Variants in GRID2 observed in about 807,000 individuals in gnomAD.
GRID2 encodes the protein glutamate receptor ionotropic, delta-2.
GRID2 carries 33 observed loss-of-function variants against 114.8 expected under a neutral mutation model. That is an observed-to-expected ratio of 0.29 (90% CI 0.22 to 0.38). GRID2 has a LOEUF of 0.38. Ranked by LOEUF, GRID2 falls within the 10% of genes least tolerant of loss-of-function variation. GRID2 has a pLI of 1.00. For missense variants in GRID2, 1,184 were observed against 1,257.7 expected (o/e 0.94, Z 0.89); for synonymous variants, 505 against 449.9 (o/e 1.12, Z -1.55).
chr4:92,337,544 C>T (rs1727251157), intron 1 of GRID2, among the ~76,000 whole-genome samples: 1 of 152,120 alleles, frequency 6.6e-6, no homozygotes, highest in South Asian at 2.1e-4. Flanking sequence ...GACTGGGTCA[C>T]CTCAGAAAAC....
At chr4:92,725,283 G>A (rs1736016108) in intron 2 of GRID2, among the ~76,000 whole-genome samples, 1 of 152,100 alleles carries the variant, frequency 6.6e-6, no homozygotes, top group Non-Finnish European at 1.5e-5. Flanking sequence ...CAGCCTTGGT[G>A]ACAGAGCAAC....
rs79418156 is a variant in GRID2 at position 93,265,323 on chromosome 4, A to G, written c.1245+26833A>G. On this transcript the variant is annotated intron_variant, in intron 8 of 15. Coordinates refer to ENST00000282020, the MANE Select transcript of GRID2 (RefSeq NM_001510.4). Reference sequence around the variant, plus strand: ...GTGCTGTCTTTTACTTACAAGATTTAGGAAAGCTTCTCTCCATTTAATTCT... The same window carrying G: ...GTGCTGTCTTTTACTTACAAGATTTGGGAAAGCTTCTCTCCATTTAATTCT... Among the ~76,000 whole-genome samples, 101 of 152,322 alleles carry G rather than the reference A, an allele frequency of 6.6e-4. 1 individual carries two copies. In the East Asian group the frequency reaches 0.014, roughly 21 times the overall value.
At chr4:92,690,543 G>C (rs771370860) in intron 2 of GRID2, among the ~76,000 whole-genome samples, 1 of 152,148 alleles carries the variant, frequency 6.6e-6, no homozygotes, top group Non-Finnish European at 1.5e-5. Context: ...GTCATGAAGT[G>C]ATCACACACT....
intron 13 of GRID2, among the ~76,000 whole-genome samples, chr4:93,580,877 TTA>T (rs35248337): frequency 2.0e-5 from 3 of 146,796 alleles, no homozygotes; most frequent in Non-Finnish European, 3.0e-5. Context: ...CAAATTGTCA[TTA>T]TATATATATA....
intron 4 of GRID2, among the ~76,000 whole-genome samples, chr4:93,128,621 T>C (rs576501111): frequency 6.6e-5 from 10 of 152,254 alleles, no homozygotes; most frequent in African/African-American, 2.4e-4. Flanking sequence ...GATTCCCTCA[T>C]TGCTAAACTG....
In GRID2 at chr4:93,490,709, T is replaced by C. The variant is rs1174946158; in HGVS notation, c.1929T>C (p.Ile643=). ...MMGAWWLFAL[I]VISSYTANLA... ...GGGCTTGGTGGCTATTTGCTTTGAT[T>C]GTTATCTCATCTTACACGGCAAACC... The change falls in exon 12 of 16, where the codon ATT becomes ATC. Residue 643 remains isoleucine (I), a synonymous_variant. Coordinates refer to ENST00000282020, the MANE Select transcript of GRID2 (RefSeq NM_001510.4). The C allele has an allele frequency of 6.2e-7, 1 of 1,610,660 alleles. No individual in the cohort carries two copies. Among genetic ancestry groups the C allele is most frequent in the Non-Finnish European group, 8.5e-7 (1 of 1,177,462 alleles).
At chr4:93,334,719 A>G (rs2870698) in intron 8 of GRID2, among the ~76,000 whole-genome samples, 105,533 of 152,066 alleles carry the variant, frequency 0.69, 37,612 homozygotes, top group African/African-American at 0.86. Flanking sequence ...ACCTGAGGTG[A>G]GGAGTTCAAC....
intron 13 of GRID2, among the ~76,000 whole-genome samples, chr4:93,586,356 A>G (rs1456932335): frequency 2.6e-5 from 4 of 151,998 alleles, no homozygotes; most frequent in African/African-American, 9.7e-5. Flanking sequence ...TCTTCTGCTC[A>G]CCTACATTAC....
chr4:93,268,881 G>T (rs528449242), intron 8 of GRID2, among the ~76,000 whole-genome samples: 1 of 152,002 alleles, frequency 6.6e-6, no homozygotes, highest in Non-Finnish European at 1.5e-5. Flanking sequence ...GGTAGCCCAC[G>T]GCCAATTATG....
chr4:92,984,585 G>A (rs1449622478), intron 2 of GRID2, among the ~76,000 whole-genome samples: 3 of 152,140 alleles, frequency 2.0e-5, no homozygotes, highest in Middle Eastern at 6.3e-3. Flanking sequence ...ATAAACCTCC[G>A]AGGTAGAGAT....
chr4:93,519,999 A>G (rs1372529646), intron 13 of GRID2, among the ~76,000 whole-genome samples: 1 of 152,156 alleles, frequency 6.6e-6, no homozygotes, highest in Admixed American at 6.5e-5. Context: ...AATGGAAGCC[A>G]AGGCAAAAGA....
chr4:93,592,569 A>C (rs1282343956), intron 13 of GRID2, among the ~76,000 whole-genome samples: 1 of 152,134 alleles, frequency 6.6e-6, no homozygotes, highest in African/African-American at 2.4e-5. Context: ...GATGTCTATT[A>C]GGTCTGCTTG....
chr4:93,119,434 C>T lies in GRID2; in HGVS notation c.735+8481C>T, dbSNP rs1040864924. On this transcript the variant is annotated intron_variant, in intron 4 of 15. Coordinates refer to ENST00000282020, the MANE Select transcript of GRID2 (RefSeq NM_001510.4). ...ACAAAAAAATTCTATATAAATTAGA[C>T]ATTTTGGCCATGGTCTTTAGTGTTT... is the stretch of plus-strand genomic sequence containing the variant. Among the ~76,000 whole-genome samples the T allele has an allele frequency of 2.0e-5, 3 of 152,160 alleles. 1 individual carries two copies. The highest frequency in any genetic ancestry group is 7.2e-5 in the African/African-American group (3 of 41,532).
At chr4:92,649,854 C>T (rs908103130) in intron 2 of GRID2, among the ~76,000 whole-genome samples, 3 of 151,948 alleles carry the variant, frequency 2.0e-5, no homozygotes, top group Admixed American at 6.6e-5. Context: ...TAGAGATGCT[C>T]TTCGACTGGT....
At chr4:92,704,104 G>A (rs768594861) in intron 2 of GRID2, among the ~76,000 whole-genome samples, 9 of 152,052 alleles carry the variant, frequency 5.9e-5, no homozygotes, top group Non-Finnish European at 1.0e-4. Context: ...GTAAAACCCC[G>A]TCTCTACTTA....
At chr4:93,126,840 G>T (rs547199746) in intron 4 of GRID2, among the ~76,000 whole-genome samples, 15 of 151,638 alleles carry the variant, frequency 9.9e-5, no homozygotes, top group Non-Finnish European at 1.3e-4. Context: ...CTCGTGATCC[G>T]CCCGCCTCGG....
chr4:92,952,435 A>G (rs912005908), intron 2 of GRID2, among the ~76,000 whole-genome samples: 10 of 152,210 alleles, frequency 6.6e-5, no homozygotes, highest in African/African-American at 2.4e-4. Flanking sequence ...TATGATCAAA[A>G]CATGAATGGT....
chr4:92,327,064 A>C (rs1726636094), intron 1 of GRID2, among the ~76,000 whole-genome samples: 1 of 152,000 alleles, frequency 6.6e-6, no homozygotes, highest in African/African-American at 2.4e-5. Context: ...CCAGCCGTAA[A>C]AAATTTAAAA....
intron 2 of GRID2, among the ~76,000 whole-genome samples, chr4:92,727,979 AG>A (rs543520027): frequency 6.1e-4 from 93 of 152,166 alleles, no homozygotes; most frequent in African/African-American, 2.1e-3. Context: ...AGCATGCAGA[AG>A]TAGGGAAATT....
Sources: gnomAD v4.1 joint callset for allele counts (sites outside exome capture counted in the v4.1 genomes callset) on GRCh38, gnomAD v4.1.1 for gene constraint, MANE v1.5 for transcripts, NCBI Gene and HGNC (gene_info 2026-07-23, HGNC 2026-07-21) for gene names.